ASTN1: variants seen among roughly 807,000 people sequenced by gnomAD.
The protein encoded by ASTN1 is astrotactin-1.
ASTN1 carries 41 observed loss-of-function variants against 140.7 expected under a neutral mutation model. The ratio of observed to expected loss-of-function variants is 0.29; its 90% confidence interval spans 0.23 to 0.38. ASTN1 has a LOEUF of 0.38. ASTN1 is among the 10% of genes least tolerant of loss of function. The pLI, the probability that ASTN1 is intolerant of heterozygous loss-of-function variation, is 1.00. For missense variants in ASTN1, 1,479 were observed against 1,678.8 expected (o/e 0.88, Z 2.08); for synonymous variants, 640 against 652.2 (o/e 0.98, Z 0.29).
At chr1:176,896,859 T>C (rs1294232625) in intron 16 of ASTN1, among the ~76,000 whole-genome samples, 2 of 152,282 alleles carry the variant, frequency 1.3e-5, no homozygotes, top group African/African-American at 2.4e-5. Context: ...GAGTGTTCTG[T>C]GTGTGTCCAT....
At chr1:177,135,645 G>T (rs1490471927) in intron 1 of ASTN1, among the ~76,000 whole-genome samples, 1 of 152,192 alleles carries the variant, frequency 6.6e-6, no homozygotes, top group Non-Finnish European at 1.5e-5. Context: ...AGGGGACAGG[G>T]CTGGGCTTGG....
At chr1:177,110,384 A>G (rs1680765033) in intron 1 of ASTN1, among the ~76,000 whole-genome samples, 2 of 152,236 alleles carry the variant, frequency 1.3e-5, no homozygotes, top group Non-Finnish European at 2.9e-5. Context: ...ACATCATTGT[A>G]CCGTTTTGGC....
chr1:176,883,686 T>C (rs528664602), intron 19 of ASTN1, among the ~76,000 whole-genome samples: 3 of 152,314 alleles, frequency 2.0e-5, no homozygotes, highest in African/African-American at 7.2e-5. Flanking sequence ...AGTAGCTGTT[T>C]ATTTTGAATT....
chr1:176,884,469 G>A lies in ASTN1; in HGVS notation c.3096C>T (p.His1032=), dbSNP rs144434019. The change falls in exon 19 of 23, where the codon CAC becomes CAT. Residue 1032 remains histidine (H), a synonymous_variant. Coordinates refer to ENST00000361833, the MANE Select transcript of ASTN1 (RefSeq NM_004319.3). ...GGACCACAAGAGTGCTGCTGGGCTC[G>A]TGAACCGTGGAGAGTCTCAGCCTGT... ...PQPVLRLSTV[H]EPSSTLVVLE... 82 of 1,613,326 alleles carry A rather than the reference G, an allele frequency of 5.1e-5. No homozygotes were observed. The highest frequency in any genetic ancestry group is 4.0e-4 in the African/African-American group (30 of 75,020).
At chr1:177,025,789 C>T (rs1676078735) in intron 5 of ASTN1, among the ~76,000 whole-genome samples, 1 of 152,214 alleles carries the variant, frequency 6.6e-6, no homozygotes, top group African/African-American at 2.4e-5. Context: ...AGAGTTGACG[C>T]TCCTTGTGGC....
intron 4 of ASTN1, among the ~76,000 whole-genome samples, chr1:177,030,268 C>T (rs1446914398): frequency 3.9e-5 from 6 of 152,174 alleles, no homozygotes; most frequent in Admixed American, 6.5e-5. Context: ...CATGTGTATA[C>T]TCTCTGGCTT....
At chr1:176,921,691 G>A (rs1402517980) in intron 16 of ASTN1, among the ~76,000 whole-genome samples, 1 of 152,102 alleles carries the variant, frequency 6.6e-6, no homozygotes, top group African/African-American at 2.4e-5. Flanking sequence ...TTTATGTCCA[G>A]CCTGTTCTTT....
At position 177,032,561 on chromosome 1, in the gene ASTN1, G is replaced by T. The variant is rs766217594; in HGVS notation, c.760C>A (p.Gln254Lys). 1 of 1,614,186 alleles carries T rather than the reference G, an allele frequency of 6.2e-7. No homozygotes were observed. Among genetic ancestry groups the T allele is most frequent in the South Asian group, 1.1e-5 (1 of 91,084 alleles). Residue 254 changes from glutamine (Q) to lysine (K), a missense_variant, in exon 3 of 23, where the codon CAG (glutamine) becomes AAG (lysine). Around this residue, in one of 3 missense-constraint regions of ASTN1, gnomAD observed 729 missense variants for 860.4 expected, o/e 0.85. Coordinates refer to ENST00000361833, the MANE Select transcript of ASTN1 (RefSeq NM_004319.3). ...YDITDLRHHL[Q>K]RECMNGGEDF... ...TCCCCTCCGTTCATGCACTCCCTCT[G>T]CAGATGGTGGCGCAGATCAGTGATG...
chr1:177,032,387 G>T, intron 3 of ASTN1, 69 bp downstream of exon 3: 1 of 1,560,118 alleles, frequency 6.4e-7, no homozygotes, highest in African/African-American at 1.3e-5. Context: ...TCACACAGCT[G>T]TTCCTACCCA....
intron 1 of ASTN1, among the ~76,000 whole-genome samples, chr1:177,090,959 C>T (rs1346685588): frequency 6.6e-6 from 1 of 151,902 alleles, no homozygotes; most frequent in Non-Finnish European, 1.5e-5. Flanking sequence ...GGGCTAAACA[C>T]AAATATTTAT....
intron 1 of ASTN1, among the ~76,000 whole-genome samples, chr1:177,115,632 G>A (rs768100428): frequency 1.3e-4 from 19 of 149,908 alleles, no homozygotes; most frequent in Non-Finnish European, 2.7e-4. Context: ...ACTCCAGCCT[G>A]GGCAACAGAG....
chr1:177,032,332 G>C (rs938495931), intron 3 of ASTN1, 124 bp downstream of exon 3: 1 of 1,308,360 alleles, frequency 7.6e-7, no homozygotes. Context: ...GCCTATCTAG[G>C]GAAGGGCACT....
intron 16 of ASTN1, among the ~76,000 whole-genome samples, chr1:176,932,861 C>A (rs968570016): frequency 1.3e-5 from 2 of 152,192 alleles, no homozygotes; most frequent in Non-Finnish European, 2.9e-5. Context: ...GAACCACTGG[C>A]AAACAGAAAT....
chr1:177,005,781 G>A (rs1025179012), intron 8 of ASTN1, among the ~76,000 whole-genome samples: 1 of 152,088 alleles, frequency 6.6e-6, no homozygotes, highest in Non-Finnish European at 1.5e-5. Flanking sequence ...CTAATTTTCT[G>A]TATTTTTAGT....
chr1:177,024,662 G>A lies in ASTN1; in HGVS notation c.1191C>T (p.Gly397=), dbSNP rs1039283579. ...AGTTGACGTGAGAGGAGCACACGAG[G>A]CCAATCACACAGCTGGTGATGCTGA... ...TLISITSCVI[G]LVCSSHVNCP... is the part of the protein sequence containing the mutation. Residue 397 remains glycine, a synonymous_variant, in exon 6 of 23, where the codon GGC becomes GGT. Coordinates refer to ENST00000361833, the MANE Select transcript of ASTN1 (RefSeq NM_004319.3). The A allele has an allele frequency of 1.2e-6, 2 of 1,614,010 alleles. No homozygotes were observed. Among genetic ancestry groups the A allele is most frequent in the Admixed American group, 1.7e-5 (1 of 60,012 alleles).
At chr1:176,929,189 T>C (rs910978678) in intron 16 of ASTN1, among the ~76,000 whole-genome samples, 2 of 152,210 alleles carry the variant, frequency 1.3e-5, no homozygotes, top group African/African-American at 4.8e-5. Context: ...ATGGCTCCCA[T>C]AGTCCTAATC....
At chr1:177,065,527 G>T (rs376459537) in intron 1 of ASTN1, among the ~76,000 whole-genome samples, 1 of 152,184 alleles carries the variant, frequency 6.6e-6, no homozygotes, top group African/African-American at 2.4e-5. Flanking sequence ...AATGCAGAGC[G>T]GAGCTTGGCA....
At chr1:177,084,597 T>C (rs1238690064) in intron 1 of ASTN1, among the ~76,000 whole-genome samples, 7 of 152,152 alleles carry the variant, frequency 4.6e-5, no homozygotes, top group Admixed American at 4.6e-4. Context: ...GGGAAATCTA[T>C]TTATTTCCAT....
intron 2 of ASTN1, among the ~76,000 whole-genome samples, chr1:177,040,890 C>A (rs1009213594): frequency 2.6e-5 from 4 of 152,166 alleles, no homozygotes; most frequent in African/African-American, 4.8e-5. Flanking sequence ...TGGGCTATTT[C>A]AAGTTGTACT....
Sources: allele counts gnomAD v4.1 joint callset (sites outside exome capture counted in the v4.1 genomes callset), GRCh38; gene constraint gnomAD v4.1.1; regional missense constraint gnomAD v4.1.1; transcripts MANE v1.5; gene names NCBI Gene and HGNC (gene_info 2026-07-23, HGNC 2026-07-21).